The following LDB2 variants were observed in gnomAD, a reference collection of about 807,000 sequenced individuals.
LDB2 encodes LIM domain-binding protein 2.
Under a neutral mutation model 44.3 loss-of-function variants are expected in LDB2, and 12 were observed. The ratio of observed to expected loss-of-function variants is 0.27; its 90% CI spans 0.17 to 0.44. LDB2 has a LOEUF of 0.44. Ranked by LOEUF, LDB2 falls within the 20% of genes least tolerant of loss-of-function variation. LDB2 has a pLI of 1.00. For synonymous variants in LDB2, 164 were observed against 174.8 expected, an observed-to-expected ratio of 0.94 and a Z score of 0.49; for missense variants, 344 against 473.5, an observed-to-expected ratio of 0.73 and a Z score of 2.54.
chr4:16,662,122 C>G (rs745416585), intron 2 of LDB2, among the ~76,000 whole-genome samples: 2 of 152,168 alleles, frequency 1.3e-5, no homozygotes, highest in African/African-American at 2.4e-5. Context: ...TTTGTAAATA[C>G]CTTTCTGTTT....
At chr4:16,829,620 A>G (rs1783702093) in intron 1 of LDB2, among the ~76,000 whole-genome samples, 1 of 152,218 alleles carries the variant, frequency 6.6e-6, no homozygotes, top group African/African-American at 2.4e-5. Context: ...TTTCACATCT[A>G]TGAAATTACC....
intron 5 of LDB2, among the ~76,000 whole-genome samples, chr4:16,565,491 A>G (rs1003599959): frequency 2.6e-5 from 4 of 152,126 alleles, no homozygotes; most frequent in African/African-American, 9.6e-5. Flanking sequence ...ATATTACCTT[A>G]ACATGAGAAA....
intron 5 of LDB2, among the ~76,000 whole-genome samples, chr4:16,552,976 G>C (rs1442299135): frequency 1.3e-5 from 2 of 152,184 alleles, no homozygotes; most frequent in African/African-American, 4.8e-5. Flanking sequence ...CTGAAGTGTA[G>C]TCAGCCTCCA....
intron 5 of LDB2, among the ~76,000 whole-genome samples, chr4:16,536,193 A>G (rs987145089): frequency 6.6e-6 from 1 of 152,198 alleles, no homozygotes; most frequent in Admixed American, 6.5e-5. Context: ...CATATGAAGG[A>G]TGCCCATGTA....
At chr4:16,523,246 C>A (rs556729379) in intron 5 of LDB2, among the ~76,000 whole-genome samples, 27 of 152,206 alleles carry the variant, frequency 1.8e-4, no homozygotes, top group African/African-American at 6.3e-4. Context: ...TCTATATATA[C>A]CATTTTTTTT....
At chr4:16,553,981 G>A (rs569246285) in intron 5 of LDB2, among the ~76,000 whole-genome samples, 9 of 151,740 alleles carry the variant, frequency 5.9e-5, no homozygotes, top group Non-Finnish European at 1.3e-4. Context: ...TAGAAACTAA[G>A]AATCCATCCT....
chr4:16,525,195 C>G (rs1402637624), intron 5 of LDB2, among the ~76,000 whole-genome samples: 1 of 152,132 alleles, frequency 6.6e-6, no homozygotes, highest in East Asian at 1.9e-4. Context: ...GGGGCTGTGT[C>G]CCTAAGGCTG....
chr4:16,595,558 A>G (rs1343662041), intron 3 of LDB2, 145 bp downstream of exon 3: 9 of 671,612 alleles, frequency 1.3e-5, no homozygotes, highest in Non-Finnish European at 2.2e-5. Context: ...AAGCCATGTC[A>G]CAAACAAGAA....
intron 1 of LDB2, among the ~76,000 whole-genome samples, chr4:16,805,283 A>G (rs1362578404): frequency 6.6e-6 from 1 of 152,234 alleles, no homozygotes; most frequent in East Asian, 1.9e-4. Context: ...CATTCGGTCC[A>G]TAATGTGGAC....
chr4:16,863,870 C>T (rs1713662527), intron 1 of LDB2, among the ~76,000 whole-genome samples: 1 of 152,054 alleles, frequency 6.6e-6, no homozygotes, highest in African/African-American at 2.4e-5. Context: ...CCGTGTTAGC[C>T]AGGATGGTCT....
chr4:16,849,338 CA>C (rs1398107421), intron 1 of LDB2, among the ~76,000 whole-genome samples: 2 of 152,198 alleles, frequency 1.3e-5, no homozygotes, highest in African/African-American at 4.8e-5. Context: ...TTCTTGCTAT[CA>C]TATTTCTTTT....
At chr4:16,584,327 A>G (rs1310698564) in intron 5 of LDB2, among the ~76,000 whole-genome samples, 1 of 152,222 alleles carries the variant, frequency 6.6e-6, no homozygotes. Flanking sequence ...CAAAGGCAAG[A>G]AAGATATGAC....
intron 2 of LDB2, among the ~76,000 whole-genome samples, chr4:16,649,584 G>A (rs576866206): frequency 1.9e-4 from 29 of 152,136 alleles, no homozygotes; most frequent in South Asian, 1.5e-3. Flanking sequence ...GGGAGCTACC[G>A]CAGATCCAGA....
intron 2 of LDB2, among the ~76,000 whole-genome samples, chr4:16,664,494 A>C (rs1055782426): frequency 6.6e-6 from 1 of 152,170 alleles, no homozygotes; most frequent in Non-Finnish European, 1.5e-5. Flanking sequence ...GGAACACTAA[A>C]ATGAAGACGT....
intron 6 of LDB2, among the ~76,000 whole-genome samples, chr4:16,510,401 G>A (rs1028886508): frequency 6.6e-6 from 1 of 152,130 alleles, no homozygotes; most frequent in African/African-American, 2.4e-5. Flanking sequence ...ACTGTTCCAG[G>A]TCATGGAGTT....
chr4:16,840,156 G>A (rs1048557558), intron 1 of LDB2, among the ~76,000 whole-genome samples: 12 of 152,130 alleles, frequency 7.9e-5, no homozygotes, highest in Non-Finnish European at 1.6e-4. Flanking sequence ...AAGAAGTTGA[G>A]TAACTTGCTC....
At chr4:16,540,498 G>A (rs1016127217) in intron 5 of LDB2, among the ~76,000 whole-genome samples, 1 of 152,030 alleles carries the variant, frequency 6.6e-6, no homozygotes, top group Non-Finnish European at 1.5e-5. Flanking sequence ...ACCTGTCTTT[G>A]TATTTTATTT....
chr4:16,750,923 A>T (rs1765364849), intron 2 of LDB2: 1 of 152,224 alleles, frequency 6.6e-6, no homozygotes. Context: ...TTCTGGCAGC[A>T]ACACCTGTCA....
chr4:16,616,444 T>C (rs1159225435), intron 2 of LDB2, among the ~76,000 whole-genome samples: 3 of 151,278 alleles, frequency 2.0e-5, no homozygotes, highest in Non-Finnish European at 4.4e-5. Flanking sequence ...GAAAGAAGGG[T>C]CAATGCATTC....
Sources: gnomAD v4.1 joint callset for allele counts (sites outside exome capture counted in the v4.1 genomes callset) on GRCh38, gnomAD v4.1.1 for gene constraint, MANE v1.5 for transcripts, NCBI Gene and HGNC (gene_info 2026-07-23, HGNC 2026-07-21) for gene names.